Variants in LRRTM4 observed in about 807,000 individuals in gnomAD.
The protein encoded by LRRTM4 is leucine rich repeat transmembrane neuronal 4, also known as leucine-rich repeat transmembrane neuronal protein 4.
A neutral mutation model predicts 47.6 loss-of-function variants in LRRTM4; 25 were observed. That is an observed-to-expected ratio of 0.53 (90% CI 0.38 to 0.73). The LOEUF is 0.73. Ranked by LOEUF, LRRTM4 falls within the 30% of genes least tolerant of loss-of-function variation. LRRTM4 has a pLI of 0.00. For missense variants in LRRTM4, 638 were observed against 713.4 expected (o/e 0.89, Z 1.20); for synonymous variants, 311 against 269.5 (o/e 1.15, Z -1.51).
chr2:77,293,813 G>GGTAA (rs1315038815), intron 3 of LRRTM4, among the ~76,000 whole-genome samples: 1 of 152,014 alleles, frequency 6.6e-6, no homozygotes, highest in Non-Finnish European at 1.5e-5. Flanking sequence ...TCCCTACTAT[G>GGTAA]GTAAGCCCTG....
At chr2:77,165,980 GA>G (rs1394600803) in intron 3 of LRRTM4, among the ~76,000 whole-genome samples, 1 of 152,214 alleles carries the variant, frequency 6.6e-6, no homozygotes, top group Non-Finnish European at 1.5e-5. Flanking sequence ...GCAGGAGAAA[GA>G]AATAGAGGGA....
chr2:76,822,169 A>G (rs939701620), intron 3 of LRRTM4, among the ~76,000 whole-genome samples: 2 of 151,472 alleles, frequency 1.3e-5, no homozygotes, highest in Non-Finnish European at 3.0e-5. Context: ...TTTGAACAGC[A>G]CGTGCCTTGT....
intron 3 of LRRTM4, among the ~76,000 whole-genome samples, chr2:76,977,254 G>C (rs1429610734): frequency 6.6e-6 from 1 of 150,642 alleles, no homozygotes; most frequent in Non-Finnish European, 1.5e-5. Context: ...CTGATTTTCT[G>C]TACACTTCCC....
chr2:77,480,179 G>A (rs992710107), intron 3 of LRRTM4, among the ~76,000 whole-genome samples: 3 of 151,736 alleles, frequency 2.0e-5, no homozygotes, highest in African/African-American at 7.3e-5. Context: ...ATCAACCTCA[G>A]CAAATCCTGA....
At chr2:76,865,964 A>G (rs563052844) in intron 3 of LRRTM4, among the ~76,000 whole-genome samples, 2 of 152,222 alleles carry the variant, frequency 1.3e-5, no homozygotes, top group Non-Finnish European at 2.9e-5. Context: ...ATTATTTTTA[A>G]GAAAACACAT....
intron 3 of LRRTM4, among the ~76,000 whole-genome samples, chr2:77,046,608 A>T (rs1168787820): frequency 6.6e-6 from 1 of 151,938 alleles, no homozygotes; most frequent in South Asian, 2.1e-4. Context: ...TGCACCCTCA[A>T]TGTTGCAGTG....
At chr2:77,168,778 G>A (rs1376239453) in intron 3 of LRRTM4, among the ~76,000 whole-genome samples, 1 of 152,040 alleles carries the variant, frequency 6.6e-6, no homozygotes, top group Middle Eastern at 3.2e-3. Flanking sequence ...CCCCACGTAT[G>A]AATGAGAACA....
intron 3 of LRRTM4, among the ~76,000 whole-genome samples, chr2:77,299,163 T>A (rs1319986359): frequency 6.6e-6 from 1 of 151,854 alleles, no homozygotes; most frequent in Non-Finnish European, 1.5e-5. Context: ...CTCTACATGG[T>A]CCCTCGCAAC....
At chr2:76,902,845 T>A (rs1036849515) in intron 3 of LRRTM4, among the ~76,000 whole-genome samples, 1 of 152,114 alleles carries the variant, frequency 6.6e-6, no homozygotes, top group Admixed American at 6.6e-5. Context: ...CCTGGTGCAT[T>A]TGAATGAAGT....
At chr2:76,779,369 T>C (rs1266691667) in intron 3 of LRRTM4, among the ~76,000 whole-genome samples, 1 of 151,064 alleles carries the variant, frequency 6.6e-6, no homozygotes, top group Non-Finnish European at 1.5e-5. Flanking sequence ...GGTGTTAAAG[T>C]CTCCCATTAT....
Position 76,748,773 on chromosome 2 carries a change from C to A in LRRTM4, c.1695G>T (p.Leu565=). 6.2e-7 allele frequency: 1 copy of A among 1,614,026 alleles called. No homozygotes were observed. Among genetic ancestry groups the A allele is most frequent in the Non-Finnish European group, 8.5e-7 (1 of 1,179,900 alleles). ...PEQDESPGLE[L]GRDHSFIATI... is the part of the protein sequence containing the mutation. The stretch of plus-strand genomic sequence containing the variant: ...TGGCGATGAAGCTGTGGTCTCGGCC[C>A]AGCTCCAGGCCGGGGCTTTCGTCCT... The change falls in exon 4 of 4, where the codon CTG becomes CTT. Residue 565 remains leucine, a synonymous_variant. Coordinates refer to ENST00000409884, the MANE Select transcript of LRRTM4 (RefSeq NM_001134745.3).
chr2:77,402,149 A>G (rs537559483), intron 3 of LRRTM4, among the ~76,000 whole-genome samples: 4 of 151,990 alleles, frequency 2.6e-5, no homozygotes, highest in Non-Finnish European at 4.4e-5. Context: ...TTTAATTTTT[A>G]TTCTAAAAAT....
intron 3 of LRRTM4, among the ~76,000 whole-genome samples, chr2:77,513,946 A>G (rs1679114916): frequency 6.6e-6 from 1 of 152,118 alleles, no homozygotes; most frequent in Non-Finnish European, 1.5e-5. Flanking sequence ...TGATTTTAAC[A>G]AATATTTGTT....
chr2:77,057,437 A>G (rs1679645941), intron 3 of LRRTM4, among the ~76,000 whole-genome samples: 1 of 151,972 alleles, frequency 6.6e-6, no homozygotes, highest in Non-Finnish European at 1.5e-5. Context: ...ATCATTGGCC[A>G]CAAGAAGACC....
rs188071712 is a variant in LRRTM4 at position 77,049,410 on chromosome 2, C to T, written c.1552-300494G>A. Reference sequence around the variant, plus strand: ...ATAATGGCTGTGCTAATTTACATTCCCACCAACAGTGTATAAGTGTTCTTC... The same window carrying T: ...ATAATGGCTGTGCTAATTTACATTCTCACCAACAGTGTATAAGTGTTCTTC... On this transcript the variant is annotated intron_variant, in intron 3 of 3. Coordinates refer to ENST00000409884, the MANE Select transcript of LRRTM4 (RefSeq NM_001134745.3). Among the ~76,000 whole-genome samples, 586 of 151,338 alleles carry T rather than the reference C, an allele frequency of 3.9e-3. 6 individuals are homozygous for T. Among genetic ancestry groups the T allele is most frequent in the African/African-American group, 0.013 (553 of 41,318 alleles).
chr2:76,877,732 A>T (rs915162614), intron 3 of LRRTM4, among the ~76,000 whole-genome samples: 2 of 152,192 alleles, frequency 1.3e-5, no homozygotes, highest in African/African-American at 4.8e-5. Context: ...AAGTAATAAA[A>T]AGGAAACAAC....
At chr2:77,495,309 C>T (rs11126613) in intron 3 of LRRTM4, among the ~76,000 whole-genome samples, 33,300 of 151,868 alleles carry the variant, frequency 0.22, 3,915 homozygotes, top group Middle Eastern at 0.31. Context: ...AATACTTGAT[C>T]TGTCATTTTT....
At chr2:77,461,842 A>AG (rs770517096) in intron 3 of LRRTM4, among the ~76,000 whole-genome samples, 6 of 152,074 alleles carry the variant, frequency 3.9e-5, no homozygotes, top group Non-Finnish European at 7.4e-5. Flanking sequence ...TTGTCTCAAA[A>AG]GGCTGACTGA....
chr2:76,893,606 G>A (rs1364973276), intron 3 of LRRTM4, among the ~76,000 whole-genome samples: 1 of 151,356 alleles, frequency 6.6e-6, no homozygotes, highest in East Asian at 1.9e-4. Context: ...CTACAGTTAA[G>A]ACATGCATCT....
Sources: gnomAD v4.1 joint callset for allele counts (sites outside exome capture counted in the v4.1 genomes callset) on GRCh38, gnomAD v4.1.1 for gene constraint, MANE v1.5 for transcripts, NCBI Gene and HGNC (gene_info 2026-07-23, HGNC 2026-07-21) for gene names.